The following TUBB6 variants were observed in gnomAD, a reference collection of about 807,000 sequenced individuals.
The protein encoded by TUBB6 is tubulin beta-6 chain.
In TUBB6, 18 loss-of-function variants were observed where a neutral mutation model predicts 32.3. The ratio of observed to expected loss-of-function variants is 0.56; its 90% CI spans 0.39 to 0.83. The LOEUF is 0.83. Among genes scored for constraint, TUBB6 ranks in the 40% least tolerant of loss-of-function variants. The pLI, the probability that TUBB6 is intolerant of heterozygous loss-of-function variation, is 0.00. For missense variants in TUBB6, 480 were observed against 632.0 expected, an observed-to-expected ratio of 0.76 and a Z score of 2.58; for synonymous variants, 280 against 265.8, an observed-to-expected ratio of 1.05 and a Z score of -0.52.
downstream of TUBB6, among the ~76,000 whole-genome samples, chr18:12,327,131 G>C (rs1285865865): frequency 2.0e-5 from 3 of 152,242 alleles, no homozygotes; most frequent in Non-Finnish European, 4.4e-5. Flanking sequence ...TTGAAGCTGT[G>C]AACGTGGGAC....
At chr18:12,309,880 C>T (rs1322080999) in intron 2 of TUBB6, among the ~76,000 whole-genome samples, 2 of 152,150 alleles carry the variant, frequency 1.3e-5, no homozygotes, top group African/African-American at 4.8e-5. Context: ...TGGCGTGCTC[C>T]GGGTAACAAG....
chr18:12,308,238 C>G, upstream of TUBB6: 3 of 1,309,376 alleles, frequency 2.3e-6, no homozygotes, highest in South Asian at 3.5e-5. Flanking sequence ...GCAGCCGGCC[C>G]GCAGTTGCCG....
At chr18:12,329,375 G>A (rs936834841), downstream of TUBB6, 58 of 690,392 alleles carry the variant, frequency 8.4e-5, no homozygotes, top group African/African-American at 5.3e-5. Context: ...CAAGGCCTCC[G>A]GAAAGTCACC....
intron 3 of TUBB6, among the ~76,000 whole-genome samples, chr18:12,318,054 G>T (rs1906765523): frequency 6.6e-6 from 1 of 152,032 alleles, no homozygotes; most frequent in South Asian, 2.1e-4. Context: ...GATTGATTGG[G>T]GTTCTATGTT....
chr18:12,329,556 T>G (rs1306093561), downstream of TUBB6: 6 of 1,613,306 alleles, frequency 3.7e-6, no homozygotes, highest in Non-Finnish European at 5.1e-6. Context: ...ATGGCCTCCC[T>G]CTGGGCCTCT....
At chr18:12,317,048 C>T (rs377691969) in intron 3 of TUBB6, among the ~76,000 whole-genome samples, 2 of 150,918 alleles carry the variant, frequency 1.3e-5, no homozygotes, top group East Asian at 2.0e-4. Flanking sequence ...CCCAGCTACT[C>T]GGGAGGCTGA....
At chr18:12,308,144 G>A (rs959204451), upstream of TUBB6, 6 of 306,376 alleles carry the variant, frequency 2.0e-5, no homozygotes, top group African/African-American at 9.1e-5. Context: ...GCGGCGTCGA[G>A]CGGGGGCGGC....
At chr18:12,316,271 T>C (rs973366240) in intron 3 of TUBB6, among the ~76,000 whole-genome samples, 4 of 152,264 alleles carry the variant, frequency 2.6e-5, no homozygotes, top group Non-Finnish European at 5.9e-5. Flanking sequence ...TGAGTTTTCT[T>C]TGGTTTATTT....
intron 3 of TUBB6, among the ~76,000 whole-genome samples, chr18:12,312,789 C>T (rs1486457583): frequency 2.6e-5 from 4 of 151,904 alleles, no homozygotes; most frequent in Admixed American, 1.3e-4. Flanking sequence ...CACCTGAGGT[C>T]GGGAGTTTGA....
At position 12,326,075 on chromosome 18, in the gene TUBB6, C is replaced by G; in HGVS notation, c.1286C>G (p.Thr429Ser). Residue 429 changes from threonine to serine, a missense_variant, in exon 4 of 4, where the codon ACC (threonine) becomes AGC (serine). Transcript: ENST00000317702. Reference sequence around the variant, plus strand: ...GAGTACCAGCAGTACCAGGATGCCACCGCCAATGACGGGGAGGAAGCTTTT... The same window carrying G: ...GAGTACCAGCAGTACCAGGATGCCAGCGCCAATGACGGGGAGGAAGCTTTT... ...VSEYQQYQDA[T>S]ANDGEEAFED... 1.2e-6 allele frequency: 2 copies of G among 1,614,156 alleles called. No individual in the cohort carries two copies. Among genetic ancestry groups the G allele is most frequent in the Non-Finnish European group, 8.5e-7 (1 of 1,180,038 alleles).
At chr18:12,317,535 T>C (rs912323904) in intron 3 of TUBB6, among the ~76,000 whole-genome samples, 9 of 152,224 alleles carry the variant, frequency 5.9e-5, no homozygotes, top group African/African-American at 2.2e-4. Context: ...TACTCTATTG[T>C]TGGAAAGTTT....
At chr18:12,313,325 T>A (rs1261470933) in intron 3 of TUBB6, among the ~76,000 whole-genome samples, 1 of 152,238 alleles carries the variant, frequency 6.6e-6, no homozygotes, top group Non-Finnish European at 1.5e-5. Flanking sequence ...TCTTGGAGTT[T>A]CCAGATAGGC....
intron 3 of TUBB6, among the ~76,000 whole-genome samples, chr18:12,322,793 GA>G (rs892297918): frequency 6.6e-6 from 1 of 151,784 alleles, no homozygotes; most frequent in Non-Finnish European, 1.5e-5. Context: ...GAATTAATAG[GA>G]AAAAAATAGA....
At position 12,312,999 on chromosome 18, in the gene TUBB6, C is replaced by CAAA. The variant is rs59962916; in HGVS notation, c.277+1961_277+1963dup. On this transcript the variant is annotated intron_variant, in intron 3 of 3. Transcript: ENST00000317702. ...GGGCAACAAGAGTGAAATTCTATCT[C>CAAA]AAAAAAAAAAAAAAAAAGATAAAGT... 5.1e-3 allele frequency among the ~76,000 whole-genome samples: 543 copies of CAAA among 106,558 alleles called. 14 individuals are homozygous for CAAA. Among genetic ancestry groups the CAAA allele is most frequent in the Middle Eastern group, 0.016 (3 of 190 alleles). The allele number at this position is 106,558 out of a possible 152,430, so 69.9% of individuals were successfully genotyped here.
downstream of TUBB6, chr18:12,329,520 G>A: frequency 6.3e-7 from 1 of 1,583,868 alleles, no homozygotes; most frequent in Non-Finnish European, 8.7e-7. Flanking sequence ...TAATGCACCA[G>A]CTGAAACCAC....
At chr18:12,329,275 G>A (rs551371844), downstream of TUBB6, 3 of 700,168 alleles carry the variant, frequency 4.3e-6, no homozygotes, top group Admixed American at 4.0e-5. Context: ...CCCACTTGGT[G>A]CCACAGGGTC....
chr18:12,310,741 A>G (rs919587842), intron 2 of TUBB6, among the ~76,000 whole-genome samples: 4 of 152,156 alleles, frequency 2.6e-5, no homozygotes, highest in Non-Finnish European at 5.9e-5. Context: ...TGCCCACCTC[A>G]GCCTCCCAAT....
chr18:12,309,812 A>C (rs1288187066), intron 2 of TUBB6, among the ~76,000 whole-genome samples: 3 of 152,116 alleles, frequency 2.0e-5, no homozygotes, highest in Non-Finnish European at 4.4e-5. Flanking sequence ...ATTGGCATGA[A>C]ATTTCCACAC....
chr18:12,324,879 T>G, intron 3 of TUBB6, 188 bp from the exon 4 acceptor site: 1 of 1,407,978 alleles, frequency 7.1e-7, no homozygotes, highest in Non-Finnish European at 9.2e-7. Context: ...AGTAGCTACT[T>G]TGACTTGCCT....
Sources: allele counts gnomAD v4.1 joint callset (sites outside exome capture counted in the v4.1 genomes callset), GRCh38; gene constraint gnomAD v4.1.1; transcripts MANE v1.5; gene names NCBI Gene and HGNC (gene_info 2026-07-23, HGNC 2026-07-21).